Variants in CNBD1 observed in about 807,000 individuals in gnomAD.
CNBD1 encodes the protein cyclic nucleotide-binding domain-containing protein 1.
In CNBD1, 71 loss-of-function variants were observed where a neutral mutation model predicts 54.4. The observed-to-expected ratio is 1.30, with a 90% confidence interval of 1.08 to 1.59. The LOEUF is 1.59. Among genes scored for constraint, CNBD1 ranks in the 40% most tolerant of loss-of-function variants. The pLI is 0.00. For synonymous variants in CNBD1, 182 were observed against 170.7 expected (o/e 1.07, Z -0.51); for missense variants, 659 against 518.0 (o/e 1.27, Z -2.64).
intron 10 of CNBD1, among the ~76,000 whole-genome samples, chr8:87,369,664 T>A (rs1389287969): frequency 6.6e-6 from 1 of 152,066 alleles, no homozygotes; most frequent in Non-Finnish European, 1.5e-5. Flanking sequence ...CAATGAGAAG[T>A]TGCTGTTAGT....
intron 8 of CNBD1, among the ~76,000 whole-genome samples, chr8:87,342,685 G>A (rs1484902231): frequency 2.0e-5 from 3 of 152,018 alleles, no homozygotes; most frequent in East Asian, 1.9e-4. Context: ...CCGTGATGGC[G>A]ACCTCGAGCT....
At chr8:87,337,493 T>G (rs1809970140) in intron 8 of CNBD1, among the ~76,000 whole-genome samples, 2 of 152,198 alleles carry the variant, frequency 1.3e-5, no homozygotes, top group South Asian at 4.1e-4. Flanking sequence ...GCAGGCAGCT[T>G]CAGCAGTGGT....
intron 4 of CNBD1, among the ~76,000 whole-genome samples, chr8:87,190,886 C>CCTATATCTATTTATATATA (rs1427428611): frequency 7.6e-6 from 1 of 132,222 alleles, no homozygotes; most frequent in Non-Finnish European, 1.6e-5. Flanking sequence ...GATACATGTA[C>CCTATATCTATTTATATATA]GTATATCTAT....
At chr8:87,179,472 A>G (rs1031851092) in intron 4 of CNBD1, among the ~76,000 whole-genome samples, 1 of 152,028 alleles carries the variant, frequency 6.6e-6, no homozygotes, top group Admixed American at 6.6e-5. Context: ...AGTATAAATA[A>G]AAGGAAAACA....
chr8:87,281,563 T>G (rs1467998434), intron 6 of CNBD1, among the ~76,000 whole-genome samples: 71 of 12,048 alleles, frequency 5.9e-3, no homozygotes, highest in African/African-American at 0.021. Context: ...TATATATATA[T>G]ATATATATAT....
chr8:87,111,704 T>C (rs145042099), intron 4 of CNBD1, among the ~76,000 whole-genome samples: 220 of 152,286 alleles, frequency 1.4e-3, no homozygotes, highest in Non-Finnish European at 2.7e-3. Context: ...AGTAGTACTC[T>C]CGTTCAGTGC....
intron 8 of CNBD1, among the ~76,000 whole-genome samples, chr8:87,327,988 G>T (rs752427310): frequency 2.0e-5 from 3 of 151,504 alleles, no homozygotes; most frequent in Admixed American, 1.3e-4. Context: ...TAAAAGTTTA[G>T]TTTAATTTCT....
chr8:87,341,352 C>T (rs1810059611), intron 8 of CNBD1, among the ~76,000 whole-genome samples: 1 of 152,078 alleles, frequency 6.6e-6, no homozygotes, highest in African/African-American at 2.4e-5. Context: ...CTCCTGTCTT[C>T]TTTAAAAGTG....
rs145898304 is a variant in CNBD1 at position 86,888,429 on chromosome 8, T to G, written c.158+818T>G. Among the ~76,000 whole-genome samples, 15 of 152,236 alleles carry G rather than the reference T, an allele frequency of 9.9e-5. No individual in the cohort carries two copies. The East Asian group carries it at 2.9e-3, about 29-fold the overall frequency. ...GTGCCTTTCGACATGGAGTAAAGAATGAAGTCCACACACTCCCGAGACCTA... is the reference window on the plus strand; with the variant it reads ...GTGCCTTTCGACATGGAGTAAAGAAGGAAGTCCACACACTCCCGAGACCTA... On this transcript the variant is annotated intron_variant, in intron 2 of 10. Coordinates refer to ENST00000518476, the MANE Select transcript of CNBD1 (RefSeq NM_173538.3).
chr8:86,918,819 T>A (rs1040526456), intron 3 of CNBD1, among the ~76,000 whole-genome samples: 2 of 151,114 alleles, frequency 1.3e-5, no homozygotes, highest in Non-Finnish European at 2.9e-5. Flanking sequence ...AAAAAAAAGA[T>A]TTAGGGAGTA....
At chr8:87,237,481 A>G (rs542737375) in intron 6 of CNBD1, among the ~76,000 whole-genome samples, 25 of 152,010 alleles carry the variant, frequency 1.6e-4, no homozygotes, top group Admixed American at 1.5e-3. Context: ...AATCAAGTCA[A>G]GAATGTATGT....
At chr8:87,146,546 G>A (rs1812492437) in intron 4 of CNBD1, among the ~76,000 whole-genome samples, 1 of 151,972 alleles carries the variant, frequency 6.6e-6, no homozygotes, top group Non-Finnish European at 1.5e-5. Flanking sequence ...AACATAAAAG[G>A]CATAAACTTG....
At chr8:87,134,255 A>G (rs1230706827) in intron 4 of CNBD1, among the ~76,000 whole-genome samples, 1 of 152,168 alleles carries the variant, frequency 6.6e-6, no homozygotes, top group African/African-American at 2.4e-5. Flanking sequence ...CACAATAGTT[A>G]ACATGGATAC....
chr8:86,955,902 G>T (rs1807754400), intron 4 of CNBD1, among the ~76,000 whole-genome samples: 1 of 152,164 alleles, frequency 6.6e-6, no homozygotes, highest in Non-Finnish European at 1.5e-5. Context: ...TGAAGTCCTT[G>T]CCCATGCCTA....
chr8:86,905,064 TC>T lies in CNBD1; in HGVS notation c.159-16del, dbSNP rs1186652417. The T allele has an allele frequency of 6.7e-7, 1 of 1,495,976 alleles. No individual in the cohort carries two copies. The highest frequency in any genetic ancestry group is 9.3e-7 in the Non-Finnish European group (1 of 1,080,564). 92.7% of individuals were successfully genotyped at this position (1,495,976 alleles called of 1,614,324 possible). ...ATCCTATGACACTTACAATTTAATTTCTCTCTTCTTTTTAAGCCGGAGTATG... is the reference window on the plus strand; with the variant it reads ...ATCCTATGACACTTACAATTTAATTTTCTCTTCTTTTTAAGCCGGAGTATG... On this transcript the variant is annotated splice_polypyrimidine_tract_variant and intron_variant, in intron 2 of 10. Coordinates refer to ENST00000518476, the MANE Select transcript of CNBD1 (RefSeq NM_173538.3).
chr8:87,292,964 T>C (rs1039615604), intron 8 of CNBD1, among the ~76,000 whole-genome samples: 1 of 152,152 alleles, frequency 6.6e-6, no homozygotes, highest in African/African-American at 2.4e-5. Context: ...TCTAGTTTTA[T>C]GGCCCTACTA....
chr8:87,240,138 T>C (rs1301202228), intron 6 of CNBD1, among the ~76,000 whole-genome samples: 2 of 151,882 alleles, frequency 1.3e-5, no homozygotes, highest in African/African-American at 4.8e-5. Flanking sequence ...TTCATATTTA[T>C]ATACTTCTAT....
At chr8:86,931,253 G>A (rs1261547752) in intron 3 of CNBD1, among the ~76,000 whole-genome samples, 1 of 152,180 alleles carries the variant, frequency 6.6e-6, no homozygotes, top group Non-Finnish European at 1.5e-5. Flanking sequence ...CCAGTGTCCA[G>A]GAAGAAGTCA....
chr8:87,363,441 T>G (rs140516878), intron 10 of CNBD1, among the ~76,000 whole-genome samples: 6,653 of 152,228 alleles, frequency 0.044, 192 homozygotes, highest in Non-Finnish European at 0.06. Flanking sequence ...CCACAATGGT[T>G]GAACTAATTT....
Sources: allele counts gnomAD v4.1 joint callset (sites outside exome capture counted in the v4.1 genomes callset), GRCh38; gene constraint gnomAD v4.1.1; transcripts MANE v1.5; gene names NCBI Gene and HGNC (gene_info 2026-07-23, HGNC 2026-07-21).